Variants in NXPH1 observed in about 807,000 individuals in gnomAD.
NXPH1 encodes neurexophilin-1.
A neutral mutation model predicts 23.7 loss-of-function variants in NXPH1; 5 were observed. That is an observed-to-expected ratio of 0.21 (90% CI 0.11 to 0.44). The LOEUF is 0.44. Ranked by LOEUF, NXPH1 falls within the 20% of genes least tolerant of loss-of-function variation. The pLI, the probability that NXPH1 is intolerant of heterozygous loss-of-function variation, is 0.99. For missense variants in NXPH1, 324 were observed against 321.6 expected (o/e 1.01, Z -0.06); for synonymous variants, 144 against 122.2 (o/e 1.18, Z -1.18).
intron 2 of NXPH1, among the ~76,000 whole-genome samples, chr7:8,671,622 G>A (rs1820870468): frequency 1.3e-5 from 2 of 151,884 alleles, no homozygotes; most frequent in East Asian, 1.9e-4. Context: ...GGTTTTTGAG[G>A]TCATTTTAGG....
chr7:8,726,685 A>G (rs1479830390), intron 2 of NXPH1, among the ~76,000 whole-genome samples: 1 of 149,260 alleles, frequency 6.7e-6, no homozygotes, highest in Non-Finnish European at 1.5e-5. Flanking sequence ...TTATGGCTGC[A>G]TAGTATTCCA....
intron 2 of NXPH1, among the ~76,000 whole-genome samples, chr7:8,668,062 T>G (rs201452608): frequency 6.6e-6 from 1 of 151,218 alleles, no homozygotes; most frequent in Non-Finnish European, 1.5e-5. Flanking sequence ...AAAAAATTAT[T>G]TTAAATTTCT....
intron 2 of NXPH1, among the ~76,000 whole-genome samples, chr7:8,455,694 T>A (rs1286454280): frequency 6.6e-6 from 1 of 152,206 alleles, no homozygotes; most frequent in East Asian, 1.9e-4. Flanking sequence ...GAAGACAAGT[T>A]GGGAGGAAAT....
rs10259903 is a variant in NXPH1, at chr7:8,574,063, G to A, written c.54+138296G>A. The stretch of plus-strand genomic sequence containing the variant: ...ACCTTCTAGCTTAATGATGTGCCCT[G>A]TAAGTGTTCAGGCTCTGAGCAGGAC... On this transcript the variant is annotated intron_variant, in intron 2 of 2. Coordinates refer to ENST00000405863, the MANE Select transcript of NXPH1 (RefSeq NM_152745.3). Among the ~76,000 whole-genome samples, 753 of 152,190 alleles carry A rather than the reference G, an allele frequency of 4.9e-3. 9 individuals are homozygous for A. The highest frequency in any genetic ancestry group is 0.017 in the African/African-American group (718 of 41,514).
intron 2 of NXPH1, among the ~76,000 whole-genome samples, chr7:8,643,371 A>T (rs944194611): frequency 2.0e-5 from 3 of 152,164 alleles, no homozygotes; most frequent in African/African-American, 7.2e-5. Flanking sequence ...TTTGTTAAGA[A>T]ACTGCTGAAT....
chr7:8,500,070 C>T (rs1239398356), intron 2 of NXPH1, among the ~76,000 whole-genome samples: 1 of 152,048 alleles, frequency 6.6e-6, no homozygotes, highest in African/African-American at 2.4e-5. Context: ...TTGTTCTTTT[C>T]ATATGTTTGT....
chr7:8,725,703 A>G (rs956566400), intron 2 of NXPH1, among the ~76,000 whole-genome samples: 3 of 152,298 alleles, frequency 2.0e-5, no homozygotes, highest in Middle Eastern at 3.4e-3. Context: ...TTCTTAGACA[A>G]TGCCACACTA....
chr7:8,498,264 C>T (rs931816031), intron 2 of NXPH1, among the ~76,000 whole-genome samples: 1 of 151,978 alleles, frequency 6.6e-6, no homozygotes, highest in Non-Finnish European at 1.5e-5. Context: ...AACCAGTTTC[C>T]ACCGCTAACC....
intron 2 of NXPH1, among the ~76,000 whole-genome samples, chr7:8,621,814 G>A (rs1819880270): frequency 6.6e-6 from 1 of 152,044 alleles, no homozygotes; most frequent in Non-Finnish European, 1.5e-5. Context: ...AACTTCACAT[G>A]CATTATCTCA....
At chr7:8,604,242 CTTG>C (rs1819427296) in intron 2 of NXPH1, among the ~76,000 whole-genome samples, 1 of 152,036 alleles carries the variant, frequency 6.6e-6, no homozygotes, top group Admixed American at 6.6e-5. Flanking sequence ...ATTTTTTAAA[CTTG>C]TTGATTCAAT....
In NXPH1 at chr7:8,668,262, T is replaced by TG. The variant is rs1362451329; in HGVS notation, c.55-82746_55-82745insG. 1.1e-3 allele frequency among the ~76,000 whole-genome samples: 92 copies of TG among 83,996 alleles called. 1 individual carries two copies. In the East Asian group the frequency reaches 0.11, roughly 97 times the overall value. 55.1% of individuals were successfully genotyped at this position (83,996 alleles called of 152,430 possible). On this transcript the variant is annotated intron_variant, in intron 2 of 2. Transcript: ENST00000405863. The stretch of plus-strand genomic sequence containing the variant: ...GATGGTGTTATGTCTCTTTGTTTTT[T>TG]TTTTTTTATTTTGTTGTTGTTGTTG...
chr7:8,623,098 T>G (rs1374295508), intron 2 of NXPH1, among the ~76,000 whole-genome samples: 1 of 152,008 alleles, frequency 6.6e-6, no homozygotes, highest in African/African-American at 2.4e-5. Context: ...AAATACAGGG[T>G]AAAATCACAG....
At chr7:8,479,782 T>C (rs1034365668) in intron 2 of NXPH1, among the ~76,000 whole-genome samples, 20 of 152,172 alleles carry the variant, frequency 1.3e-4, no homozygotes, top group African/African-American at 3.1e-4. Flanking sequence ...GAACCTCCAA[T>C]TGGGACAATT....
intron 2 of NXPH1, among the ~76,000 whole-genome samples, chr7:8,734,959 T>C (rs1780223625): frequency 6.6e-6 from 1 of 152,324 alleles, no homozygotes; most frequent in Admixed American, 6.5e-5. Context: ...TATTGGAGTA[T>C]AAAAATGCTT....
At chr7:8,681,516 C>T (rs566708762) in intron 2 of NXPH1, among the ~76,000 whole-genome samples, 1 of 152,184 alleles carries the variant, frequency 6.6e-6, no homozygotes, top group East Asian at 1.9e-4. Context: ...TGCCACTGCC[C>T]TGACGTTTGC....
In NXPH1 at chr7:8,553,910, T is replaced by C. The variant is rs75612746; in HGVS notation, c.54+118143T>C. Among the ~76,000 whole-genome samples, 1,417 of 151,802 alleles carry C rather than the reference T, an allele frequency of 9.3e-3. 13 individuals carry two copies. The highest frequency in any genetic ancestry group is 0.016 in the Non-Finnish European group (1,090 of 67,726). On this transcript the variant is annotated intron_variant, in intron 2 of 2. Transcript: ENST00000405863. ...TGAGTGTTGAGATTTCCTGTGGCATTGGAAAAATTTTTCAATTATATTTAT... is the reference window on the plus strand; with the variant it reads ...TGAGTGTTGAGATTTCCTGTGGCATCGGAAAAATTTTTCAATTATATTTAT...
chr7:8,608,144 C>T lies in NXPH1; in HGVS notation c.55-142864C>T, dbSNP rs10226101. Among the ~76,000 whole-genome samples the T allele has an allele frequency of 8.9e-3, 1,361 of 152,168 alleles. 21 individuals are homozygous for T. The highest frequency in any genetic ancestry group is 0.031 in the African/African-American group (1,295 of 41,494). On this transcript the variant is annotated intron_variant, in intron 2 of 2. Coordinates refer to ENST00000405863, the MANE Select transcript of NXPH1 (RefSeq NM_152745.3). Reference sequence around the variant, plus strand: ...ATACATTTCCATTGTTTTCAGCCACCCAGTTTGTGGTACTTTGTTATAGCA... The same window carrying T: ...ATACATTTCCATTGTTTTCAGCCACTCAGTTTGTGGTACTTTGTTATAGCA...
At chr7:8,445,341 C>T (rs370816861) in intron 2 of NXPH1, among the ~76,000 whole-genome samples, 16 of 152,176 alleles carry the variant, frequency 1.1e-4, no homozygotes, top group Admixed American at 3.9e-4. Context: ...AAAGGCCAGG[C>T]TTACCACTCA....
chr7:8,716,890 C>T (rs1171011080), intron 2 of NXPH1, among the ~76,000 whole-genome samples: 2 of 152,138 alleles, frequency 1.3e-5, no homozygotes, highest in Non-Finnish European at 2.9e-5. Context: ...TCTGGCCCTT[C>T]CCCCAGGATT....
Sources: gnomAD v4.1 joint callset for allele counts (sites outside exome capture counted in the v4.1 genomes callset) on GRCh38, gnomAD v4.1.1 for gene constraint, MANE v1.5 for transcripts, NCBI Gene and HGNC (gene_info 2026-07-23, HGNC 2026-07-21) for gene names.